The following CSMD1 variants were observed in gnomAD, a reference collection of about 807,000 sequenced individuals.
CSMD1 encodes CUB and Sushi multiple domains 1, also known as CUB and sushi domain-containing protein 1.
Under a neutral mutation model 417.5 loss-of-function variants are expected in CSMD1, and 213 were observed. The ratio of observed to expected loss-of-function variants is 0.51; its 90% CI spans 0.46 to 0.57. CSMD1 has a LOEUF of 0.57. Ranked by LOEUF, CSMD1 falls within the 20% of genes least tolerant of loss-of-function variation. CSMD1 has a pLI of 0.00. For missense variants in CSMD1, 6,923 were observed against 4,529.7 expected, an observed-to-expected ratio of 1.53 and a Z score of -15.17; for synonymous variants, 2,862 against 1,736.8, an observed-to-expected ratio of 1.65 and a Z score of -16.11.
At chr8:4,753,989 T>C (rs1215514516) in intron 1 of CSMD1, among the ~76,000 whole-genome samples, 1 of 151,952 alleles carries the variant, frequency 6.6e-6, no homozygotes, top group Non-Finnish European at 1.5e-5. Flanking sequence ...ACAGGAAGAG[T>C]AAAAATAGTC....
chr8:3,990,250 AG>A (rs910729276), intron 5 of CSMD1, among the ~76,000 whole-genome samples: 20 of 152,344 alleles, frequency 1.3e-4, no homozygotes, highest in Middle Eastern at 3.4e-3. Context: ...AATCCATAAA[AG>A]ACTTCTTTTT....
At chr8:4,157,045 G>A (rs1050861249) in intron 3 of CSMD1, among the ~76,000 whole-genome samples, 26 of 152,288 alleles carry the variant, frequency 1.7e-4, no homozygotes, top group African/African-American at 6.0e-4. Context: ...ATGCACACAA[G>A]GAGCCTGTAG....
chr8:3,754,165 C>G lies in CSMD1; in HGVS notation c.819-123G>C. On this transcript the variant is annotated intron_variant, in intron 5 of 69. Transcript: ENST00000635120. Reference sequence around the variant, plus strand: ...ATCTTGAGATGCTTAAAACAGAGGCCATGTATTAATTGACTTTGAACCTTA... The same window carrying G: ...ATCTTGAGATGCTTAAAACAGAGGCGATGTATTAATTGACTTTGAACCTTA... The G allele has an allele frequency of 5.3e-6, 3 of 567,824 alleles. No homozygotes were observed. The East Asian group carries it at 8.9e-5, about 17-fold the overall frequency. The allele number at this position is 567,824 out of a possible 1,614,324, so 35.2% of individuals were successfully genotyped here. A position where few individuals can be genotyped will look rare whatever the true frequency, so the allele number is the denominator to read the frequency against.
At chr8:3,282,914 C>G (rs1802847125) in intron 26 of CSMD1, among the ~76,000 whole-genome samples, 2 of 152,266 alleles carry the variant, frequency 1.3e-5, no homozygotes, top group South Asian at 2.1e-4. Context: ...GCAAATTCCA[C>G]TTGTTTTATG....
intron 52 of CSMD1, among the ~76,000 whole-genome samples, chr8:3,016,697 C>T (rs1371184569): frequency 2.6e-5 from 4 of 152,056 alleles, no homozygotes. Context: ...TCCTTATATG[C>T]TGTATCCAAT....
intron 7 of CSMD1, among the ~76,000 whole-genome samples, chr8:3,656,178 G>C (rs941173076): frequency 2.0e-5 from 3 of 152,184 alleles, no homozygotes; most frequent in African/African-American, 7.2e-5. Context: ...GCTCAAGTGA[G>C]AATGTTTCCT....
chr8:4,908,023 AC>A (rs1805413762), intron 1 of CSMD1, among the ~76,000 whole-genome samples: 1 of 152,152 alleles, frequency 6.6e-6, no homozygotes, highest in African/African-American at 2.4e-5. Context: ...TAAAATAATT[AC>A]TTTTCTTCTG....
chr8:4,114,920 T>C (rs1167344322), intron 3 of CSMD1, among the ~76,000 whole-genome samples: 1 of 152,182 alleles, frequency 6.6e-6, no homozygotes, highest in African/African-American at 2.4e-5. Context: ...GAAAATAGTA[T>C]GCTGAGATAC....
At chr8:4,833,191 G>C (rs535282289) in intron 1 of CSMD1, among the ~76,000 whole-genome samples, 13 of 152,278 alleles carry the variant, frequency 8.5e-5, no homozygotes, top group Admixed American at 5.9e-4. Context: ...AACTATGTGA[G>C]ACTGGGTAAT....
chr8:4,620,416 G>C (rs893398509), intron 2 of CSMD1, among the ~76,000 whole-genome samples: 1 of 151,370 alleles, frequency 6.6e-6, no homozygotes, highest in African/African-American at 2.4e-5. Context: ...TAAATAATTT[G>C]ACCAGAGTCT....
intron 3 of CSMD1, among the ~76,000 whole-genome samples, chr8:4,070,909 T>A (rs1045897333): frequency 6.6e-6 from 1 of 152,228 alleles, no homozygotes; most frequent in African/African-American, 2.4e-5. Flanking sequence ...TTTAGCACTT[T>A]AATGATGTTG....
At chr8:4,431,192 G>A (rs762392352) in intron 2 of CSMD1, among the ~76,000 whole-genome samples, 1 of 151,970 alleles carries the variant, frequency 6.6e-6, no homozygotes, top group African/African-American at 2.4e-5. Flanking sequence ...GACCCCTAGA[G>A]TTTATTCCAG....
chr8:4,461,348 G>C lies in CSMD1; in HGVS notation c.303-41283C>G, dbSNP rs1453052177. Among the ~76,000 whole-genome samples, 4 of 151,902 alleles carry C rather than the reference G, an allele frequency of 2.6e-5. No homozygotes were observed. The East Asian group carries it at 5.8e-4, about 22-fold the overall frequency. On this transcript the variant is annotated intron_variant, in intron 2 of 69. Transcript: ENST00000635120. ...ACAAATTCTATTCCACAGCATACTG[G>C]AGGTTTTAGCTAGGGCAGTGATGCA...
At chr8:3,467,373 G>A (rs1816844410) in intron 12 of CSMD1, among the ~76,000 whole-genome samples, 2 of 152,182 alleles carry the variant, frequency 1.3e-5, no homozygotes, top group African/African-American at 4.8e-5. Flanking sequence ...AGCAGCAAAT[G>A]CAGGTCATGT....
rs753879497 is a variant in CSMD1 at position 4,112,850 on chromosome 8, T to C, written c.416-80751A>G. On this transcript the variant is annotated intron_variant, in intron 3 of 69. Transcript: ENST00000635120. ...TTCACTGTATTGCACTTTGCTGATA[T>C]TGCGTTTTTAAAAATTGAAGGCTTG... 4.6e-5 allele frequency among the ~76,000 whole-genome samples: 7 copies of C among 152,212 alleles called. No individual in the cohort carries two copies. In the East Asian group the frequency reaches 7.7e-4, roughly 17 times the overall value.
intron 2 of CSMD1, among the ~76,000 whole-genome samples, chr8:4,576,539 G>A (rs576267127): frequency 6.6e-6 from 1 of 152,296 alleles, no homozygotes; most frequent in East Asian, 1.9e-4. Context: ...AGCAAGGACT[G>A]TCTCTCACCT....
At chr8:4,094,007 T>TAGAC (rs879532824) in intron 3 of CSMD1, among the ~76,000 whole-genome samples, 681 of 151,058 alleles carry the variant, frequency 4.5e-3, no homozygotes, top group Non-Finnish European at 5.6e-3. Context: ...GATAGATAGA[T>TAGAC]AGATAAAGAA....
intron 6 of CSMD1, among the ~76,000 whole-genome samples, chr8:3,711,410 A>C (rs912179729): frequency 1.3e-5 from 2 of 152,162 alleles, no homozygotes; most frequent in Non-Finnish European, 2.9e-5. Flanking sequence ...GAAAGCCCAG[A>C]GACAGACAGT....
intron 3 of CSMD1, among the ~76,000 whole-genome samples, chr8:4,136,784 T>G (rs78759551): frequency 0.029 from 4,426 of 152,280 alleles, 221 homozygotes; most frequent in African/African-American, 0.099. Context: ...ATTAGTTTGT[T>G]GGACTCAATA....
Sources: gnomAD v4.1 joint callset for allele counts (sites outside exome capture counted in the v4.1 genomes callset) on GRCh38, gnomAD v4.1.1 for gene constraint, MANE v1.5 for transcripts, NCBI Gene and HGNC (gene_info 2026-07-23, HGNC 2026-07-21) for gene names.